MAGI1: variants seen among roughly 807,000 people sequenced by gnomAD.
MAGI1 encodes the protein membrane associated guanylate kinase, WW and PDZ domain containing 1.
Under a neutral mutation model 139.9 loss-of-function variants are expected in MAGI1, and 58 were observed. The observed-to-expected ratio is 0.41, with a 90% CI of 0.34 to 0.52. The LOEUF (loss-of-function observed/expected upper bound fraction) is 0.52, where lower values mean the gene tolerates loss of function less well. Ranked by LOEUF, MAGI1 falls within the 20% of genes least tolerant of loss-of-function variation. The pLI, the probability that MAGI1 is intolerant of heterozygous loss-of-function variation, is 0.12. For missense variants in MAGI1, 1,874 were observed against 1,901.6 expected, an observed-to-expected ratio of 0.99 and a Z score of 0.27; for synonymous variants, 812 against 737.9, an observed-to-expected ratio of 1.10 and a Z score of -1.63.
chr3:65,782,608 T>C (rs1360388518), intron 1 of MAGI1, among the ~76,000 whole-genome samples: 1 of 111,432 alleles, frequency 9.0e-6, no homozygotes, highest in East Asian at 2.6e-4. Context: ...TATGGATTTC[T>C]TAAGCAAAAA....
intron 2 of MAGI1, among the ~76,000 whole-genome samples, chr3:65,544,914 T>C (rs1036555315): frequency 1.3e-5 from 2 of 152,220 alleles, no homozygotes; most frequent in Non-Finnish European, 2.9e-5. Flanking sequence ...GATTTATAAA[T>C]ATAAACAGCC....
chr3:65,448,107 T>A, intron 6 of MAGI1, 50 bp from the exon 7 acceptor site: 1 of 1,542,694 alleles, frequency 6.5e-7, no homozygotes, highest in African/African-American at 1.4e-5. Context: ...GAAAGCAAAA[T>A]TCAGACACCA....
chr3:65,603,848 G>A (rs1313677051), intron 2 of MAGI1, among the ~76,000 whole-genome samples: 8 of 152,134 alleles, frequency 5.3e-5, no homozygotes, highest in African/African-American at 1.9e-4. Flanking sequence ...TCCCCCAGAA[G>A]GGTAATGATG....
At chr3:65,449,684 G>A (rs773318809) in intron 6 of MAGI1, among the ~76,000 whole-genome samples, 5 of 152,140 alleles carry the variant, frequency 3.3e-5, no homozygotes, top group Non-Finnish European at 5.9e-5. Context: ...GCTGAGGCAG[G>A]AGAATCGCTT....
chr3:65,816,742 A>G (rs144126187), intron 1 of MAGI1, among the ~76,000 whole-genome samples: 1 of 152,302 alleles, frequency 6.6e-6, no homozygotes, highest in Non-Finnish European at 1.5e-5. Flanking sequence ...TTTGCTCCCT[A>G]TAATGCAAGA....
chr3:65,838,160 A>G (rs1417319672), intron 1 of MAGI1, among the ~76,000 whole-genome samples: 1 of 152,170 alleles, frequency 6.6e-6, no homozygotes, highest in Non-Finnish European at 1.5e-5. Context: ...AAATACAAAA[A>G]AATTAGCTGG....
At chr3:65,938,686 G>A (rs969329737) in intron 1 of MAGI1, among the ~76,000 whole-genome samples, 16 of 152,104 alleles carry the variant, frequency 1.1e-4, no homozygotes, top group Non-Finnish European at 5.9e-5. Flanking sequence ...AAACCTAGGC[G>A]GGACATCCTA....
intron 12 of MAGI1, among the ~76,000 whole-genome samples, chr3:65,408,118 A>T (rs12496670): frequency 0.31 from 46,870 of 152,056 alleles, 8,174 homozygotes; most frequent in South Asian, 0.47. Flanking sequence ...AACCCACTCT[A>T]TTGGGGCCTA....
At position 65,730,900 on chromosome 3, in the gene MAGI1, C is replaced by T. The variant is rs1260907182; in HGVS notation, c.314-108812G>A. On this transcript the variant is annotated intron_variant, in intron 1 of 22. Transcript: ENST00000402939. ...TATTGTCTAACTCTCCCCACCCCCC[C>T]GGGGTTTTTGTTTTTTTTTTTCTTT... 4.8e-5 allele frequency among the ~76,000 whole-genome samples: 7 copies of T among 144,946 alleles called. No homozygotes were observed. The East Asian group carries it at 5.8e-4, about 12-fold the overall frequency.
intron 2 of MAGI1, chr3:65,597,702 G>A (rs561620308): frequency 7.9e-5 from 36 of 456,524 alleles, no homozygotes; most frequent in South Asian, 5.6e-4. Context: ...GGGAGCCTCT[G>A]CCGCCGCCTG....
At chr3:65,950,059 C>CAA (rs1264298678) in intron 1 of MAGI1, among the ~76,000 whole-genome samples, 1 of 13,448 alleles carries the variant, frequency 7.4e-5, no homozygotes, top group Non-Finnish European at 1.4e-4. Context: ...AAAAAAAAAA[C>CAA]AAAAAAACAA....
chr3:65,963,786 A>G (rs2107117061), intron 1 of MAGI1, among the ~76,000 whole-genome samples: 1 of 152,378 alleles, frequency 6.6e-6, no homozygotes, highest in South Asian at 2.1e-4. Context: ...AAAATTTCAT[A>G]AAGACAGAGA....
chr3:65,445,864 T>A (rs1948644815), intron 7 of MAGI1, among the ~76,000 whole-genome samples: 1 of 152,214 alleles, frequency 6.6e-6, no homozygotes, highest in African/African-American at 2.4e-5. Context: ...GGTTTCCTTG[T>A]CACATCTGGA....
At chr3:65,498,264 A>T (rs541112053) in intron 2 of MAGI1, among the ~76,000 whole-genome samples, 1 of 146,806 alleles carries the variant, frequency 6.8e-6, no homozygotes, top group Non-Finnish European at 1.5e-5. Context: ...TTTCTCAGGG[A>T]CAGCGTACTA....
At chr3:65,419,166 T>C (rs1946450774) in intron 12 of MAGI1, among the ~76,000 whole-genome samples, 2 of 152,042 alleles carry the variant, frequency 1.3e-5, no homozygotes, top group South Asian at 2.1e-4. Context: ...TTCTATCTTT[T>C]ACAAACTTAT....
intron 1 of MAGI1, among the ~76,000 whole-genome samples, chr3:65,876,676 A>T (rs970496009): frequency 1.3e-5 from 2 of 152,120 alleles, no homozygotes; most frequent in Admixed American, 6.6e-5. Context: ...AGTGATATTA[A>T]AGATTAATGT....
chr3:65,907,241 T>A (rs1458362350), intron 1 of MAGI1, among the ~76,000 whole-genome samples: 2 of 152,230 alleles, frequency 1.3e-5, no homozygotes, highest in Admixed American at 1.3e-4. Context: ...CATAGTATTA[T>A]TGAAAATAAA....
chr3:65,969,792 C>T (rs191043970), intron 1 of MAGI1, among the ~76,000 whole-genome samples: 10 of 152,282 alleles, frequency 6.6e-5, no homozygotes, highest in African/African-American at 2.4e-4. Flanking sequence ...AATACAGCTC[C>T]TATTATCGAA....
At chr3:65,997,748 C>T (rs1208930206) in intron 1 of MAGI1, among the ~76,000 whole-genome samples, 3 of 152,150 alleles carry the variant, frequency 2.0e-5, no homozygotes, top group Non-Finnish European at 4.4e-5. Flanking sequence ...TCAACTATTG[C>T]TTTTGTGTTT....
Sources: gnomAD v4.1 joint callset for allele counts (sites outside exome capture counted in the v4.1 genomes callset) on GRCh38, gnomAD v4.1.1 for gene constraint, MANE v1.5 for transcripts, NCBI Gene and HGNC (gene_info 2026-07-23, HGNC 2026-07-21) for gene names.